PTPN5: variants seen among roughly 807,000 people sequenced by gnomAD.
The protein encoded by PTPN5 is tyrosine-protein phosphatase non-receptor type 5.
PTPN5 carries 29 observed loss-of-function variants against 73.9 expected under a neutral mutation model. The observed-to-expected ratio is 0.39, with a 90% CI of 0.29 to 0.54. PTPN5 has a LOEUF of 0.54. Ranked by LOEUF, PTPN5 falls within the 20% of genes least tolerant of loss-of-function variation. The pLI, the probability that PTPN5 is intolerant of heterozygous loss-of-function variation, is 0.65. For missense variants in PTPN5, 652 were observed against 751.4 expected (o/e 0.87, Z 1.55); for synonymous variants, 267 against 304.7 (o/e 0.88, Z 1.29).
At chr11:18,737,106 G>A (rs898929710) in intron 9 of PTPN5, among the ~76,000 whole-genome samples, 2 of 152,206 alleles carry the variant, frequency 1.3e-5, no homozygotes, top group African/African-American at 4.8e-5. Flanking sequence ...AGGTTTATGG[G>A]GATTCACTTT....
chr11:18,740,707 C>T lies in PTPN5; in HGVS notation c.811G>A (p.Glu271Lys), dbSNP rs756785865. ...AGCAGGTACTCGCGGGCGGACTCCTCACGTGGGGACATGAGATAGCCAAAG... is the reference window on the plus strand; with the variant it reads ...AGCAGGTACTCGCGGGCGGACTCCTTACGTGGGGACATGAGATAGCCAAAG... ...EGFGYLMSPREESAREYLLSA... is the reference protein window; with the variant it reads ...EGFGYLMSPRKESAREYLLSA... The change falls in exon 8 of 15, where the codon GAG becomes AAG. Residue 271 changes from glutamate (E) to lysine (K), a missense_variant. By Grantham distance (56) the Glu-to-Lys change is moderately conservative. Around this residue, in one of 3 missense-constraint regions of PTPN5, gnomAD observed 529 missense variants for 573.9 expected, o/e 0.92. Transcript: ENST00000358540. The T allele has an allele frequency of 1.9e-6, 3 of 1,607,620 alleles. No individual in the cohort carries two copies. Among genetic ancestry groups the T allele is most frequent in the Non-Finnish European group, 1.7e-6 (2 of 1,176,586 alleles).
intron 3 of PTPN5, among the ~76,000 whole-genome samples, chr11:18,756,002 T>TTAA (rs1554919970): frequency 1.8e-5 from 2 of 113,192 alleles, no homozygotes; most frequent in African/African-American, 3.5e-5. Flanking sequence ...AGACTCTAAA[T>TTAA]AAAAAAAAAA....
At chr11:18,749,254 G>C (rs1361519465) in intron 3 of PTPN5, among the ~76,000 whole-genome samples, 2 of 152,220 alleles carry the variant, frequency 1.3e-5, no homozygotes, top group African/African-American at 4.8e-5. Flanking sequence ...GCTGACAAGT[G>C]ATTTAACATT....
rs1848939462 is a variant in PTPN5 at position 18,732,691 on chromosome 11, C to A, written c.1230G>T (p.Glu410Asp). The change falls in exon 12 of 15, where the codon GAG (glutamate) becomes GAT (aspartate). Residue 410 changes from glutamate (E) to aspartate (D), a missense_variant. Glu to Asp is a conservative substitution (Grantham distance 45, BLOSUM62 2). Coordinates refer to ENST00000358540, the MANE Select transcript of PTPN5 (RefSeq NM_006906.2). ...ACGCCACCTGCTCCTCCGGCCAATA[C>A]TCGGTGCATTTCTGCAGGGGCCCAG... is the stretch of plus-strand genomic sequence containing the variant. The part of the protein sequence containing the change: ...NIEEMNEKCT[E>D]YWPEEQVAYD... 3.1e-6 allele frequency: 5 copies of A among 1,613,808 alleles called. No individual in the cohort carries two copies. The African/African-American group carries it at 4.0e-5, about 13-fold the overall frequency.
rs138411089 is a variant in PTPN5 at position 18,736,731 on chromosome 11, A to G, written c.1000+1149T>C. Among the ~76,000 whole-genome samples the G allele has an allele frequency of 2.3e-3, 348 of 152,242 alleles. 3 individuals carry two copies. Among genetic ancestry groups the G allele is most frequent in the African/African-American group, 7.9e-3 (327 of 41,530 alleles). On this transcript the variant is annotated intron_variant, in intron 9 of 14. Transcript: ENST00000358540. Reference sequence around the variant, plus strand: ...TCAGGGCATGGTTGGAGGCAGCTCAAGCCTCTTGGAATGCAGCGGGGACTG... The same window carrying G: ...TCAGGGCATGGTTGGAGGCAGCTCAGGCCTCTTGGAATGCAGCGGGGACTG...
At chr11:18,735,974 G>A (rs757869144) in intron 9 of PTPN5, among the ~76,000 whole-genome samples, 7 of 152,172 alleles carry the variant, frequency 4.6e-5, no homozygotes, top group Non-Finnish European at 1.0e-4. Flanking sequence ...GGATCACAGG[G>A]CTGTCCAGCC....
chr11:18,737,593 G>A (rs916429110), intron 9 of PTPN5, among the ~76,000 whole-genome samples: 9 of 152,190 alleles, frequency 5.9e-5, no homozygotes, highest in African/African-American at 1.4e-4. Flanking sequence ...CCACAGTGTG[G>A]CTAGGAACTG....
intron 1 of PTPN5, among the ~76,000 whole-genome samples, chr11:18,783,861 A>T (rs1851551900): frequency 6.6e-6 from 1 of 152,074 alleles, no homozygotes; most frequent in South Asian, 2.1e-4. Flanking sequence ...ACCCACTAAG[A>T]TCTCTCCTGA....
intron 1 of PTPN5, among the ~76,000 whole-genome samples, chr11:18,786,557 G>C (rs1352622758): frequency 6.6e-6 from 1 of 152,164 alleles, no homozygotes; most frequent in Non-Finnish European, 1.5e-5. Flanking sequence ...AGAGCCTTTT[G>C]GTGATAACAC....
Position 18,743,079 on chromosome 11 carries a change from G to C in PTPN5, c.400-4C>G. On this transcript the variant is annotated splice_region_variant and splice_polypyrimidine_tract_variant and intron_variant, in intron 5 of 14. Transcript: ENST00000358540. ...ACGTCCCAGAGTCAAGCCAGGCCTGGGGAACATCAGATAAACAGGTCAGGG... is the reference window on the plus strand; with the variant it reads ...ACGTCCCAGAGTCAAGCCAGGCCTGCGGAACATCAGATAAACAGGTCAGGG... The C allele has an allele frequency of 6.5e-7, 1 of 1,547,346 alleles. No homozygotes were observed.
At chr11:18,752,947 G>A (rs745488168) in intron 3 of PTPN5, among the ~76,000 whole-genome samples, 1 of 152,200 alleles carries the variant, frequency 6.6e-6, no homozygotes, top group Non-Finnish European at 1.5e-5. Flanking sequence ...AGAATAAGAG[G>A]CAAAACCAGG....
chr11:18,777,991 A>AAGG (rs1564929448), intron 1 of PTPN5, among the ~76,000 whole-genome samples: 15,263 of 92,244 alleles, frequency 0.17, 884 homozygotes, highest in Middle Eastern at 0.28. Flanking sequence ...AGAAAGAAAG[A>AAGG]AAGGAAGGAA....
At chr11:18,767,959 C>T (rs188480943) in intron 2 of PTPN5, among the ~76,000 whole-genome samples, 3 of 152,284 alleles carry the variant, frequency 2.0e-5, no homozygotes, top group East Asian at 1.9e-4. Flanking sequence ...GCACTTGACA[C>T]GGTTAGAAAT....
rs1225577048 is a variant in PTPN5 at position 18,733,677 on chromosome 11, C to A, written c.1001-42G>T. On this transcript the variant is annotated intron_variant, in intron 9 of 14. Transcript: ENST00000358540. The surrounding 1 kb of genome is among the most constrained non-coding windows in gnomAD (Gnocchi z 4.3). ...CAAGTAAGGCTGGAAACTGGGCCCT[C>A]TGGTGCAGGACCCACTTGCTCTGGC... The A allele has an allele frequency of 1.3e-6, 2 of 1,569,604 alleles. No individual in the cohort carries two copies. Among genetic ancestry groups the A allele is most frequent in the Non-Finnish European group, 1.8e-6 (2 of 1,139,630 alleles).
intron 12 of PTPN5, chr11:18,730,487 G>A (rs149925651): frequency 6.6e-6 from 1 of 152,436 alleles, no homozygotes; most frequent in Non-Finnish European, 1.5e-5. Flanking sequence ...ATCCCAACAT[G>A]GTGGTATTTG....
rs1350950579 is a variant in PTPN5, at chr11:18,746,167, AT to A, written c.98-1969del. ...GAAAAGCTGTTATAAATATAAATAT[AT>A]ATATATATATATATATATATATATA... On this transcript the variant is annotated intron_variant, in intron 3 of 14. Coordinates refer to ENST00000358540, the MANE Select transcript of PTPN5 (RefSeq NM_006906.2). 1.5e-3 allele frequency among the ~76,000 whole-genome samples: 117 copies of A among 78,302 alleles called. 1 individual carries two copies. Among genetic ancestry groups the A allele is most frequent in the African/African-American group, 4.6e-3 (103 of 22,348 alleles). The allele number at this position is 78,302 out of a possible 152,430, so 51.4% of individuals were successfully genotyped here.
In PTPN5 at chr11:18,755,959, G is replaced by C. The variant is rs1291984018; in HGVS notation, c.97+9848C>G. ...GTGGAGGTTGCAGTGAGCCGAGATC[G>C]TGCCACTGCACTCCAGCCTGGGCGA... is the stretch of plus-strand genomic sequence containing the variant. On this transcript the variant is annotated intron_variant, in intron 3 of 14. Transcript: ENST00000358540. 8.8e-5 allele frequency among the ~76,000 whole-genome samples: 13 copies of C among 148,354 alleles called. No individual in the cohort carries two copies. The East Asian group carries it at 2.2e-3, about 25-fold the overall frequency.
chr11:18,752,924 T>C (rs986914521), intron 3 of PTPN5, among the ~76,000 whole-genome samples: 5 of 152,226 alleles, frequency 3.3e-5, no homozygotes, highest in African/African-American at 1.2e-4. Flanking sequence ...ATGAGAAAAC[T>C]GATGAGATCC....
chr11:18,757,333 G>C (rs890852527), intron 3 of PTPN5, among the ~76,000 whole-genome samples: 18 of 152,142 alleles, frequency 1.2e-4, no homozygotes, highest in African/African-American at 4.3e-4. Flanking sequence ...CCAATACAAG[G>C]GCAGACACAC....
Sources: allele counts gnomAD v4.1 joint callset (sites outside exome capture counted in the v4.1 genomes callset), GRCh38; gene constraint gnomAD v4.1.1; regional missense constraint gnomAD v4.1.1; non-coding constraint Gnocchi (gnomAD v3.1); transcripts MANE v1.5; gene names NCBI Gene and HGNC (gene_info 2026-07-23, HGNC 2026-07-21).